The following RORA variants were observed in gnomAD, a reference collection of about 807,000 sequenced individuals.
The protein encoded by RORA is nuclear receptor ROR-alpha.
A neutral mutation model predicts 69.5 loss-of-function variants in RORA; 7 were observed. That is an observed-to-expected ratio of 0.10 (90% CI 0.06 to 0.19). RORA has a LOEUF of 0.19. Ranked by LOEUF, RORA falls within the 10% of genes least tolerant of loss-of-function variation. The probability of loss-of-function intolerance (pLI) is 1.00; values close to 1 mark genes in which losing one functional copy is unlikely to be tolerated. For missense variants in RORA, 457 were observed against 663.0 expected, an observed-to-expected ratio of 0.69 and a Z score of 3.41; for synonymous variants, 261 against 240.8, an observed-to-expected ratio of 1.08 and a Z score of -0.78.
In RORA at chr15:60,739,569, G is replaced by A. The variant is rs192461931; in HGVS notation, c.167-60883C>T. ...CTGGGTAACACAGCAAGACCTTGTC[G>A]CAAAAAAAAAAAAGTTTTTTTTAAA... On this transcript the variant is annotated intron_variant, in intron 1 of 10. Transcript: ENST00000335670. 6.9e-5 allele frequency among the ~76,000 whole-genome samples: 10 copies of A among 145,526 alleles called. No individual in the cohort carries two copies. The East Asian group carries it at 8.1e-4, about 12-fold the overall frequency.
At chr15:60,710,530 C>T (rs932220150) in intron 1 of RORA, among the ~76,000 whole-genome samples, 3 of 152,132 alleles carry the variant, frequency 2.0e-5, no homozygotes, top group Non-Finnish European at 2.9e-5. Flanking sequence ...AAAAATAGAA[C>T]AGACAATGCT....
intron 2 of RORA, among the ~76,000 whole-genome samples, chr15:60,634,856 C>T (rs1347038984): frequency 6.6e-6 from 1 of 152,166 alleles, no homozygotes; most frequent in Non-Finnish European, 1.5e-5. Context: ...TCAGCCTCAA[C>T]TGAATAGCAG....
chr15:60,695,035 AGTCAGGCACTAT>A (rs1167489355), intron 1 of RORA, among the ~76,000 whole-genome samples: 2 of 152,112 alleles, frequency 1.3e-5, no homozygotes, highest in Non-Finnish European at 2.9e-5. Flanking sequence ...GCCCCACGTT[AGTCAGGCACTAT>A]GTTAGGTGAC....
At chr15:61,186,745 C>A (rs2079746954) in intron 1 of RORA, among the ~76,000 whole-genome samples, 1 of 152,052 alleles carries the variant, frequency 6.6e-6, no homozygotes, top group Non-Finnish European at 1.5e-5. Context: ...TTCCAAGAAG[C>A]CCCCACTCCT....
intron 1 of RORA, among the ~76,000 whole-genome samples, chr15:60,698,801 C>A (rs1432953359): frequency 5.3e-5 from 8 of 152,064 alleles, no homozygotes; most frequent in African/African-American, 1.9e-4. Context: ...GATAATTTAA[C>A]TGGCTAAAAA....
At chr15:60,813,475 T>A (rs1370723536) in intron 1 of RORA, among the ~76,000 whole-genome samples, 1 of 152,148 alleles carries the variant, frequency 6.6e-6, no homozygotes, top group Non-Finnish European at 1.5e-5. Context: ...ATAGTGAGAA[T>A]CTAGGCAGGT....
intron 1 of RORA, among the ~76,000 whole-genome samples, chr15:60,960,043 A>T (rs1893371635): frequency 6.6e-6 from 1 of 152,134 alleles, no homozygotes; most frequent in African/African-American, 2.4e-5. Context: ...AAATGAAAAC[A>T]GGATTTTTTT....
chr15:61,222,642 A>C (rs944195105), intron 1 of RORA, among the ~76,000 whole-genome samples: 1 of 152,210 alleles, frequency 6.6e-6, no homozygotes, highest in Non-Finnish European at 1.5e-5. Context: ...TACAATATCA[A>C]AGATAATCAC....
intron 1 of RORA, among the ~76,000 whole-genome samples, chr15:61,116,886 T>C (rs942345857): frequency 6.6e-6 from 1 of 152,204 alleles, no homozygotes; most frequent in Non-Finnish European, 1.5e-5. Context: ...AATTGCAATG[T>C]GTCCAGGTGG....
chr15:60,539,592 C>T (rs976974155), intron 2 of RORA, among the ~76,000 whole-genome samples: 1 of 152,240 alleles, frequency 6.6e-6, no homozygotes, highest in South Asian at 2.1e-4. Flanking sequence ...CAGTTTAAAC[C>T]TTGAGTGAAA....
intron 2 of RORA, among the ~76,000 whole-genome samples, chr15:60,621,332 A>G (rs942552386): frequency 1.3e-5 from 2 of 152,154 alleles, no homozygotes; most frequent in African/African-American, 4.8e-5. Flanking sequence ...CAGCTACCCA[A>G]CTAGGCCCTG....
At chr15:61,220,443 T>C (rs1245543133) in intron 1 of RORA, among the ~76,000 whole-genome samples, 1 of 152,252 alleles carries the variant, frequency 6.6e-6, no homozygotes, top group Non-Finnish European at 1.5e-5. Flanking sequence ...TAAATATACA[T>C]GTGTGTCCTC....
At chr15:60,651,766 G>T (rs1040338818) in intron 2 of RORA, among the ~76,000 whole-genome samples, 2 of 152,142 alleles carry the variant, frequency 1.3e-5, no homozygotes, top group Non-Finnish European at 2.9e-5. Context: ...ACTCTCCCTT[G>T]CAGAGTTTTG....
At position 60,488,361 on chromosome 15, in the gene RORA, T is replaced by G. The variant is rs1347478033; in HGVS notation, c.*9094A>C. 1 of 152,218 alleles carries G rather than the reference T, an allele frequency of 6.6e-6. No individual in the cohort carries two copies. The highest frequency in any genetic ancestry group is 1.5e-5 in the Non-Finnish European group (1 of 68,030). 9.4% of individuals were successfully genotyped at this position (152,218 alleles called of 1,614,324 possible). ...TAAAATTGATGTGTTCAATGCACTTTTAATAAAGGTAATGTAATATTAAAG... is the reference window on the plus strand; with the variant it reads ...TAAAATTGATGTGTTCAATGCACTTGTAATAAAGGTAATGTAATATTAAAG... On this transcript the variant is annotated 3_prime_UTR_variant, in exon 11 of 11. Coordinates refer to ENST00000335670, the MANE Select transcript of RORA (RefSeq NM_134261.3).
intron 1 of RORA, among the ~76,000 whole-genome samples, chr15:60,831,756 A>G (rs1451240527): frequency 6.6e-6 from 1 of 152,150 alleles, no homozygotes; most frequent in Non-Finnish European, 1.5e-5. Context: ...AATGCACCTT[A>G]GTGTCTGTGT....
At chr15:60,747,103 G>C (rs1239893350) in intron 1 of RORA, among the ~76,000 whole-genome samples, 1 of 152,174 alleles carries the variant, frequency 6.6e-6, no homozygotes, top group African/African-American at 2.4e-5. Context: ...ACCCCAGGCT[G>C]GGGAATATCC....
chr15:60,508,150 G>A (rs976275045), intron 5 of RORA, among the ~76,000 whole-genome samples: 2 of 152,190 alleles, frequency 1.3e-5, no homozygotes, highest in Non-Finnish European at 2.9e-5. Context: ...GAATTTAAGC[G>A]TGGTCTCTCA....
At chr15:60,654,727 A>C (rs191497893) in intron 2 of RORA, among the ~76,000 whole-genome samples, 269 of 152,308 alleles carry the variant, frequency 1.8e-3, no homozygotes, top group Non-Finnish European at 2.9e-3. Flanking sequence ...TGAAACACAG[A>C]AGGTGATGTG....
intron 1 of RORA, among the ~76,000 whole-genome samples, chr15:60,752,777 G>GT (rs374202927): frequency 6.6e-6 from 1 of 152,198 alleles, no homozygotes; most frequent in East Asian, 1.9e-4. Flanking sequence ...CCCAGGCCTG[G>GT]TGCAGGGGCC....
Sources: allele counts gnomAD v4.1 joint callset (sites outside exome capture counted in the v4.1 genomes callset), GRCh38; gene constraint gnomAD v4.1.1; transcripts MANE v1.5; gene names NCBI Gene and HGNC (gene_info 2026-07-23, HGNC 2026-07-21).